The following CSMD1 variants were observed in gnomAD, a reference collection of about 807,000 sequenced individuals.
The protein encoded by CSMD1 is CUB and sushi domain-containing protein 1.
In CSMD1, 213 loss-of-function variants were observed where a neutral mutation model predicts 417.5. The ratio of observed to expected loss-of-function variants is 0.51; its 90% CI spans 0.46 to 0.57. The LOEUF is 0.57. CSMD1 is among the 20% of genes least tolerant of loss of function. CSMD1 has a pLI of 0.00. For synonymous variants in CSMD1, 2,862 were observed against 1,736.8 expected (o/e 1.65, Z -16.11); for missense variants, 6,923 against 4,529.7 (o/e 1.53, Z -15.17).
chr8:3,468,901 C>A, intron 11 of CSMD1, 77 bp from the exon 12 acceptor site: 1 of 915,870 alleles, frequency 1.1e-6, no homozygotes, highest in Non-Finnish European at 1.7e-6. Context: ...GAGGGTCTTG[C>A]TGCTTTAAAC....
chr8:3,001,712 C>G (rs1161775912), intron 52 of CSMD1, among the ~76,000 whole-genome samples: 1 of 152,110 alleles, frequency 6.6e-6, no homozygotes, highest in African/African-American at 2.4e-5. Flanking sequence ...AGAAACTTTT[C>G]GTAGGAAAAC....
At chr8:3,254,953 T>C (rs969435801) in intron 26 of CSMD1, among the ~76,000 whole-genome samples, 1 of 152,186 alleles carries the variant, frequency 6.6e-6, no homozygotes, top group Non-Finnish European at 1.5e-5. Flanking sequence ...TGCTCTGATT[T>C]TTAGAGTTTA....
chr8:3,378,922 A>C (rs1431059095), intron 18 of CSMD1, among the ~76,000 whole-genome samples: 2 of 152,208 alleles, frequency 1.3e-5, no homozygotes, highest in African/African-American at 4.8e-5. Context: ...GAAAGAAAGA[A>C]AACGCATTCA....
intron 3 of CSMD1, among the ~76,000 whole-genome samples, chr8:4,340,454 A>T (rs1299836987): frequency 6.6e-6 from 1 of 152,108 alleles, no homozygotes; most frequent in Admixed American, 6.6e-5. Flanking sequence ...CCTTGAAGGA[A>T]TTATGGGTCT....
chr8:3,459,362 G>A lies in CSMD1; in HGVS notation c.1561+9350C>T, dbSNP rs916122095. Among the ~76,000 whole-genome samples the A allele has an allele frequency of 2.0e-5, 3 of 152,268 alleles. No homozygotes were observed. In the East Asian group the frequency reaches 5.8e-4, roughly 30 times the overall value. On this transcript the variant is annotated intron_variant, in intron 12 of 69. Transcript: ENST00000635120. ...GTACACAACACAGCGGCCGTAATAT[G>A]ACGGGAATCGCACGGTGGATCCTTC...
intron 1 of CSMD1, among the ~76,000 whole-genome samples, chr8:4,714,106 T>C (rs968323536): frequency 1.3e-5 from 2 of 151,884 alleles, no homozygotes; most frequent in Non-Finnish European, 2.9e-5. Context: ...GATCATGCCA[T>C]TGCACTCCAG....
At chr8:3,384,679 AT>A (rs1316237557) in intron 18 of CSMD1, among the ~76,000 whole-genome samples, 3 of 128,550 alleles carry the variant, frequency 2.3e-5, no homozygotes, top group South Asian at 4.4e-4. Context: ...CTATTTATAT[AT>A]AAATATATAT....
chr8:3,736,165 C>A (rs1036547202), intron 6 of CSMD1, among the ~76,000 whole-genome samples: 6 of 152,174 alleles, frequency 3.9e-5, no homozygotes, highest in Admixed American at 6.5e-5. Context: ...CGCATCACAT[C>A]TGCGTCTAAT....
intron 26 of CSMD1, among the ~76,000 whole-genome samples, chr8:3,239,884 G>A (rs897721863): frequency 2.0e-5 from 3 of 152,072 alleles, no homozygotes; most frequent in African/African-American, 7.2e-5. Context: ...AATGTGGGAG[G>A]CTGGATTGAA....
chr8:3,091,791 A>G (rs1814968153), intron 47 of CSMD1, 129 bp from the exon 48 acceptor site: 2 of 715,398 alleles, frequency 2.8e-6, no homozygotes, highest in African/African-American at 1.9e-5. Context: ...ACAAAAGTGG[A>G]CAACAAATTC....
In CSMD1 at chr8:4,245,760, C is replaced by G. The variant is rs571469393; in HGVS notation, c.415+174193G>C. Among the ~76,000 whole-genome samples the G allele has an allele frequency of 7.4e-4, 112 of 152,118 alleles. 1 individual carries two copies. Among genetic ancestry groups the G allele is most frequent in the African/African-American group, 2.5e-3 (102 of 41,498 alleles). Reference sequence around the variant, plus strand: ...TGGTGACTAAGTCAGGCCGTATCACCCAACTCTGTTTTCATATTTCCTATT... The same window carrying G: ...TGGTGACTAAGTCAGGCCGTATCACGCAACTCTGTTTTCATATTTCCTATT... On this transcript the variant is annotated intron_variant, in intron 3 of 69. Transcript: ENST00000635120.
At chr8:3,913,025 G>A (rs17067950) in intron 5 of CSMD1, among the ~76,000 whole-genome samples, 4,726 of 152,204 alleles carry the variant, frequency 0.031, 234 homozygotes, top group African/African-American at 0.1. Context: ...GAGCTAAGGC[G>A]TGGAGAGAAT....
chr8:3,912,557 A>T (rs2129139992), intron 5 of CSMD1, among the ~76,000 whole-genome samples: 1 of 152,286 alleles, frequency 6.6e-6, no homozygotes. Context: ...CTTCTCTGCC[A>T]AGGTGGTTTT....
chr8:3,915,175 G>T (rs1808731995), intron 5 of CSMD1, among the ~76,000 whole-genome samples: 1 of 152,090 alleles, frequency 6.6e-6, no homozygotes, highest in African/African-American at 2.4e-5. Flanking sequence ...GGAGGCTGAG[G>T]CAGGAGGACC....
chr8:2,952,264 G>T (rs139173502), intron 65 of CSMD1, among the ~76,000 whole-genome samples: 158 of 152,256 alleles, frequency 1.0e-3, no homozygotes, highest in Non-Finnish European at 1.8e-3. Context: ...TGGAAATGAA[G>T]ATTCATGTCT....
intron 5 of CSMD1, among the ~76,000 whole-genome samples, chr8:3,801,875 A>T (rs1585020807): frequency 6.6e-6 from 1 of 152,052 alleles, no homozygotes; most frequent in Admixed American, 6.6e-5. Flanking sequence ...ATCACAAAAC[A>T]CCACATATTA....
intron 2 of CSMD1, among the ~76,000 whole-genome samples, chr8:4,570,581 T>C (rs1798842020): frequency 6.6e-6 from 1 of 152,150 alleles, no homozygotes; most frequent in African/African-American, 2.4e-5. Context: ...TCGGGCATAT[T>C]AGGCCTATAG....
rs1187288234 is a variant in CSMD1, at chr8:3,301,203, A to G, written c.3950+6492T>C. ...TAAACATAAATTTTTAAAATAAAAC[A>G]AACCATATTGTTTGGGGTAGGAGCA... On this transcript the variant is annotated intron_variant, in intron 25 of 69. Coordinates refer to ENST00000635120, the MANE Select transcript of CSMD1 (RefSeq NM_033225.6). Among the ~76,000 whole-genome samples, 3 of 148,118 alleles carry G rather than the reference A, an allele frequency of 2.0e-5. 1 individual carries two copies. The highest frequency in any genetic ancestry group is 1.9e-4 in the East Asian group (1 of 5,172).
At chr8:4,811,295 G>A (rs988825486) in intron 1 of CSMD1, among the ~76,000 whole-genome samples, 1 of 152,108 alleles carries the variant, frequency 6.6e-6, no homozygotes, top group African/African-American at 2.4e-5. Flanking sequence ...GTCAAACCTA[G>A]TATTAATTGG....
Sources: gnomAD v4.1 joint callset for allele counts (sites outside exome capture counted in the v4.1 genomes callset) on GRCh38, gnomAD v4.1.1 for gene constraint, MANE v1.5 for transcripts, NCBI Gene and HGNC (gene_info 2026-07-23, HGNC 2026-07-21) for gene names.